The following LMAN1 variants were observed in gnomAD, a reference collection of about 807,000 sequenced individuals.
LMAN1 encodes the protein protein ERGIC-53.
A neutral mutation model predicts 67.8 loss-of-function variants in LMAN1; 32 were observed. The observed-to-expected ratio is 0.47, with a 90% CI of 0.36 to 0.63. The LOEUF is 0.63. Ranked by LOEUF, LMAN1 falls within the 30% of genes least tolerant of loss-of-function variation. LMAN1 has a pLI of 0.00. For synonymous variants in LMAN1, 235 were observed against 219.3 expected, an observed-to-expected ratio of 1.07 and a Z score of -0.63; for missense variants, 632 against 628.2, an observed-to-expected ratio of 1.01 and a Z score of -0.06.
chr18:59,345,154 T>C (rs1291861194), intron 8 of LMAN1, among the ~76,000 whole-genome samples: 1 of 152,224 alleles, frequency 6.6e-6, no homozygotes, highest in Non-Finnish European at 1.5e-5. Context: ...ATTCATTAAG[T>C]CTGACTCATA....
At chr18:59,343,777 A>AAGAAAAACAAAAAT (rs1317139588) in intron 8 of LMAN1, among the ~76,000 whole-genome samples, 1 of 152,152 alleles carries the variant, frequency 6.6e-6, no homozygotes, top group Non-Finnish European at 1.5e-5. Context: ...AGGCAAACAC[A>AAGAAAAACAAAAAT]AGAAAAACAA....
intron 5 of LMAN1, among the ~76,000 whole-genome samples, chr18:59,350,108 C>T (rs911687620): frequency 2.6e-5 from 4 of 152,034 alleles, no homozygotes; most frequent in African/African-American, 9.7e-5. Flanking sequence ...GTATTCTGTC[C>T]AAATTTTCAG....
chr18:59,348,546 T>C (rs774725145), intron 6 of LMAN1, among the ~76,000 whole-genome samples: 5 of 152,226 alleles, frequency 3.3e-5, no homozygotes, highest in Non-Finnish European at 5.9e-5. Context: ...TATTTGAAAA[T>C]ATTTAAAACT....
At position 59,347,497 on chromosome 18, in the gene LMAN1, A is replaced by T; in HGVS notation, c.822+16T>A. Reference sequence around the variant, plus strand: ...AACTAAACTGATAAAGTTTTTGAAAATATGTGTAAAATTACCGGCTCTTTT... The same window carrying T: ...AACTAAACTGATAAAGTTTTTGAAATTATGTGTAAAATTACCGGCTCTTTT... On this transcript the variant is annotated intron_variant, in intron 7 of 12. Transcript: ENST00000251047. 6.3e-7 allele frequency: 1 copy of T among 1,597,594 alleles called. No homozygotes were observed. Among genetic ancestry groups the T allele is most frequent in the Non-Finnish European group, 8.6e-7 (1 of 1,167,416 alleles).
At chr18:59,342,725 T>C (rs1908314709) in intron 8 of LMAN1, among the ~76,000 whole-genome samples, 1 of 152,060 alleles carries the variant, frequency 6.6e-6, no homozygotes, top group African/African-American at 2.4e-5. Context: ...ACATTCCCTT[T>C]AAGAACTGGA....
At chr18:59,355,682 A>C in intron 1 of LMAN1, 24 bp from the exon 2 acceptor site, 2 of 1,610,818 alleles carry the variant, frequency 1.2e-6, no homozygotes, top group African/African-American at 1.3e-5. Flanking sequence ...CAGGGGAAAA[A>C]AGCTTTAAGT....
Position 59,353,288 on chromosome 18 carries a change from G to C in LMAN1, c.553C>G (p.Gln185Glu). The C allele has an allele frequency of 1.2e-6, 2 of 1,613,762 alleles. No homozygotes were observed. The highest frequency in any genetic ancestry group is 1.7e-6 in the Non-Finnish European group (2 of 1,179,734). ...TCCCTCTGGCAACTTGCCAAAGCTT[G>C]ACTAGCCCCGTCACTATAGTGTAAG... The part of the protein sequence containing the change: ...HYDHQNDGAS[Q>E]ALASCQRDFR... Residue 185 changes from glutamine to glutamate, a missense_variant, in exon 5 of 13, where the codon CAA (glutamine) becomes GAA (glutamate). Transcript: ENST00000251047.
chr18:59,358,958 GC>G, intron 1 of LMAN1, 72 bp downstream of exon 1: 1 of 1,465,476 alleles, frequency 6.8e-7, no homozygotes, highest in East Asian at 2.3e-5. Flanking sequence ...CACCAGGGTA[GC>G]CGCGGATGAA....
chr18:59,350,049 A>G (rs749415959), intron 5 of LMAN1, among the ~76,000 whole-genome samples: 7 of 152,210 alleles, frequency 4.6e-5, no homozygotes, highest in Non-Finnish European at 1.0e-4. Flanking sequence ...TTCTAGAGTC[A>G]AAATTTTGTC....
chr18:59,354,260 A>G (rs890999419), intron 4 of LMAN1, among the ~76,000 whole-genome samples: 20 of 152,208 alleles, frequency 1.3e-4, no homozygotes, highest in African/African-American at 4.8e-4. Flanking sequence ...ACAGTCTATA[A>G]ACTTTCAAAA....
chr18:59,336,781 G>C (rs1286215033), intron 10 of LMAN1, among the ~76,000 whole-genome samples: 3 of 152,134 alleles, frequency 2.0e-5, no homozygotes, highest in Non-Finnish European at 4.4e-5. Context: ...CTACTCAGGA[G>C]GCTGAGATGG....
At chr18:59,333,404 G>A in intron 10 of LMAN1, 160 bp from the exon 11 acceptor site, 1 of 596,902 alleles carries the variant, frequency 1.7e-6, no homozygotes, top group East Asian at 2.9e-5. Flanking sequence ...TTCAAAATTG[G>A]AAAATAATTT....
In LMAN1 at chr18:59,333,026, A is replaced by C. The variant is rs1293756253; in HGVS notation, c.1374+65T>G. 3 of 1,305,502 alleles carry C rather than the reference A, an allele frequency of 2.3e-6. No individual in the cohort carries two copies. In the African/African-American group the frequency reaches 4.4e-5, roughly 19 times the overall value. 80.9% of individuals were successfully genotyped at this position (1,305,502 alleles called of 1,614,324 possible). Reference sequence around the variant, plus strand: ...TTAACTAAAGGGTTAAAATACTTGCAGTAGAGTATGAGTTCTTCCTTTCCT... The same window carrying C: ...TTAACTAAAGGGTTAAAATACTTGCCGTAGAGTATGAGTTCTTCCTTTCCT... On this transcript the variant is annotated intron_variant, in intron 11 of 12. Transcript: ENST00000251047.
intron 8 of LMAN1, among the ~76,000 whole-genome samples, chr18:59,343,291 A>T (rs1016326417): frequency 2.0e-5 from 3 of 151,632 alleles, no homozygotes; most frequent in African/African-American, 7.3e-5. Context: ...CAGAATTAGA[A>T]AAAAAAAATC....
At chr18:59,334,931 G>C (rs1603393946) in intron 10 of LMAN1, among the ~76,000 whole-genome samples, 1 of 151,970 alleles carries the variant, frequency 6.6e-6, no homozygotes, top group Admixed American at 6.6e-5. Context: ...CTTACTGTAT[G>C]CATGACATTT....
At chr18:59,358,453 T>G (rs1908711353) in intron 1 of LMAN1, among the ~76,000 whole-genome samples, 2 of 152,162 alleles carry the variant, frequency 1.3e-5, no homozygotes, top group African/African-American at 2.4e-5. Flanking sequence ...AAGAATGTCT[T>G]CTGACATACA....
Position 59,333,251 on chromosome 18 carries a change from C to T in LMAN1, c.1221-7G>A, listed in dbSNP as rs752108591. Reference sequence around the variant, plus strand: ...GGTTTCACTCATGGAATTTCTGAAACAGAAAGTCTCTTGATACAATAAAAT... The same window carrying T: ...GGTTTCACTCATGGAATTTCTGAAATAGAAAGTCTCTTGATACAATAAAAT... On this transcript the variant is annotated splice_polypyrimidine_tract_variant and splice_region_variant and intron_variant, in intron 10 of 12. Transcript: ENST00000251047. The T allele has an allele frequency of 3.7e-6, 6 of 1,611,176 alleles. No individual in the cohort carries two copies. In the Admixed American group the frequency reaches 1.0e-4, roughly 27 times the overall value.
At chr18:59,354,641 G>A in intron 3 of LMAN1, 61 bp from the exon 4 acceptor site, 3 of 857,938 alleles carry the variant, frequency 3.5e-6, no homozygotes, top group Non-Finnish European at 5.8e-6. Context: ...CATCATTCTT[G>A]ATGTACTATG....
At chr18:59,354,971 G>T (rs1984357) in intron 3 of LMAN1, among the ~76,000 whole-genome samples, 1 of 152,014 alleles carries the variant, frequency 6.6e-6, no homozygotes, top group African/African-American at 2.4e-5. Flanking sequence ...ATGTGCTTAT[G>T]TAAGTGTTTA....
Sources: allele counts gnomAD v4.1 joint callset (sites outside exome capture counted in the v4.1 genomes callset), GRCh38; gene constraint gnomAD v4.1.1; transcripts MANE v1.5; gene names NCBI Gene and HGNC (gene_info 2026-07-23, HGNC 2026-07-21).